TINCR: variants seen among roughly 807,000 people sequenced by gnomAD.
TINCR encodes the protein TINCR-encoded ubiquitin-like protein.
rs1230988159 is a variant in TINCR, at chr19:5,565,122, C to T, written c.261-2173G>A. Among the ~76,000 whole-genome samples, 1 of 152,166 alleles carries T rather than the reference C, an allele frequency of 6.6e-6. No individual in the cohort carries two copies. The highest frequency in any genetic ancestry group is 1.5e-5 in the Non-Finnish European group (1 of 68,022). On this transcript the variant is annotated intron_variant, in intron 1 of 1. Transcript: ENST00000646160. The surrounding 1 kb of genome is among the most constrained non-coding windows in gnomAD (Gnocchi z 4.0). ...AGTCCGCAAGGCCCTGCATGAACTG[C>T]CCTGGCCCCTCCCTGCCCTCCCTTC...
At chr19:5,566,548 C>G (rs992418653) in intron 1 of TINCR, among the ~76,000 whole-genome samples, 2 of 147,380 alleles carry the variant, frequency 1.4e-5, no homozygotes, top group Admixed American at 1.4e-4. Flanking sequence ...GATGCGCGCA[C>G]ACACAGACAG....
chr19:5,565,609 T>C lies in TINCR; in HGVS notation c.260+2056A>G, dbSNP rs746347696. Among the ~76,000 whole-genome samples, 11 of 152,166 alleles carry C rather than the reference T, an allele frequency of 7.2e-5. No individual in the cohort carries two copies. The highest frequency in any genetic ancestry group is 1.3e-4 in the Non-Finnish European group (9 of 67,990). On this transcript the variant is annotated intron_variant, in intron 1 of 1. Transcript: ENST00000646160. The surrounding 1 kb of genome is among the most constrained non-coding windows in gnomAD (Gnocchi z 4.0). ...GTACGCTGCCGAGAACACCCTCTCC[T>C]AGCCCCAAGCTCTGAACCTCCATCC...
At chr19:5,560,965 C>T (rs2052098920), downstream of TINCR, 1 of 154,076 alleles carries the variant, frequency 6.5e-6, no homozygotes, top group African/African-American at 2.4e-5. This position sits in a 1 kb window ranked among gnomAD's most constrained non-coding sequence, Gnocchi z 4.5. Flanking sequence ...GAGAAGACTT[C>T]CTGGAGGAGA....
rs1179606806 is a variant in TINCR, at chr19:5,565,882, A to C, written c.260+1783T>G. On this transcript the variant is annotated intron_variant, in intron 1 of 1. Transcript: ENST00000646160. The surrounding 1 kb of genome is among the most constrained non-coding windows in gnomAD (Gnocchi z 4.0). The stretch of plus-strand genomic sequence containing the variant: ...CCTCTCCTGTTCAATGCTTCCAAGG[A>C]GGTGGTCCCAGGCTCTGAGACGAGG... 6.6e-6 allele frequency among the ~76,000 whole-genome samples: 1 copy of C among 152,132 alleles called. No homozygotes were observed. The highest frequency in any genetic ancestry group is 1.5e-5 in the Non-Finnish European group (1 of 68,014).
downstream of TINCR, chr19:5,558,313 A>G (rs1161818619): frequency 1.3e-5 from 2 of 152,220 alleles, no homozygotes; most frequent in African/African-American, 4.8e-5. Flanking sequence ...GTGGATCCCG[A>G]GTGAGTCAGA....
rs997426356 is a variant in TINCR at position 5,565,969 on chromosome 19, G to A, written c.260+1696C>T. Among the ~76,000 whole-genome samples the A allele has an allele frequency of 5.9e-5, 9 of 152,180 alleles. No homozygotes were observed. Among genetic ancestry groups the A allele is most frequent in the Non-Finnish European group, 8.8e-5 (6 of 68,032 alleles). ...CCATTTCCCAGAGCTGCCCCAGGCCGGCAGTGAGCTGTTCCCGTGGCCCCA... is the reference window on the plus strand; with the variant it reads ...CCATTTCCCAGAGCTGCCCCAGGCCAGCAGTGAGCTGTTCCCGTGGCCCCA... On this transcript the variant is annotated intron_variant, in intron 1 of 1. Coordinates refer to ENST00000646160, the Ensembl canonical transcript of TINCR. The surrounding 1 kb of genome is among the most constrained non-coding windows in gnomAD (Gnocchi z 4.0).
rs547844299 is a variant in TINCR, at chr19:5,565,059, C to T, written c.261-2110G>A. On this transcript the variant is annotated intron_variant, in intron 1 of 1. Transcript: ENST00000646160. The surrounding 1 kb of genome is among the most constrained non-coding windows in gnomAD (Gnocchi z 4.0). ...CCTCTGCCCACAGCCCTCTATGGCT[C>T]CCACCTCCCTCGGAGTCAAGGCCCA... is the stretch of plus-strand genomic sequence containing the variant. 1.3e-5 allele frequency among the ~76,000 whole-genome samples: 2 copies of T among 152,270 alleles called. No individual in the cohort carries two copies. The highest frequency in any genetic ancestry group is 4.8e-5 in the African/African-American group (2 of 41,560).
At chr19:5,567,233 G>C (rs1007042023) in intron 1 of TINCR, among the ~76,000 whole-genome samples, 3 of 151,768 alleles carry the variant, frequency 2.0e-5, no homozygotes, top group Admixed American at 1.3e-4. Context: ...AAAGATGAAA[G>C]AGACAGAGAT....
In TINCR at chr19:5,563,802, C is replaced by T. The variant is rs112098968; in HGVS notation, c.261-853G>A. On this transcript the variant is annotated intron_variant, in intron 1 of 1. Coordinates refer to ENST00000646160, the Ensembl canonical transcript of TINCR. This position sits in a 1 kb window ranked among gnomAD's most constrained non-coding sequence, Gnocchi z 4.7. ...TGGTGGCGGGCGCCTGTAATCCCAG[C>T]TACTCAGGAGACTGAGGCAGGAGAA... Among the ~76,000 whole-genome samples, 4,589 of 152,216 alleles carry T rather than the reference C, an allele frequency of 0.03. 84 individuals are homozygous for T. The highest frequency in any genetic ancestry group is 0.043 in the Non-Finnish European group (2,915 of 68,002).
downstream of TINCR, chr19:5,559,459 C>A (rs1384435762): frequency 6.6e-6 from 1 of 152,216 alleles, no homozygotes; most frequent in East Asian, 1.9e-4. Flanking sequence ...CTCAGCCTAC[C>A]AAGTAGCTGG....
chr19:5,559,416 C>G (rs1182311192), downstream of TINCR: 2 of 151,274 alleles, frequency 1.3e-5, no homozygotes, highest in Non-Finnish European at 2.9e-5. Flanking sequence ...CTCACTGCAA[C>G]CTCTGCCTCC....
At chr19:5,562,556 A>G (rs551206981), downstream of TINCR, 1 of 152,368 alleles carries the variant, frequency 6.6e-6, no homozygotes, top group South Asian at 2.1e-4. This position sits in a 1 kb window ranked among gnomAD's most constrained non-coding sequence, Gnocchi z 4.4. Context: ...AGTCTACTGC[A>G]GGAGACAGGT....
chr19:5,560,811 T>G (rs542586608), downstream of TINCR: 1 of 152,622 alleles, frequency 6.6e-6, no homozygotes, highest in African/African-American at 2.4e-5. This position sits in a 1 kb window ranked among gnomAD's most constrained non-coding sequence, Gnocchi z 4.5. Context: ...GAGAAGGAGC[T>G]AGGATGTCCG....
intron 1 of TINCR, among the ~76,000 whole-genome samples, chr19:5,567,311 G>A (rs2052135371): frequency 6.6e-6 from 1 of 151,510 alleles, no homozygotes; most frequent in Non-Finnish European, 1.5e-5. Context: ...AAGAGTCAGA[G>A]ACAAGAGACA....
intron 1 of TINCR, among the ~76,000 whole-genome samples, chr19:5,564,870 G>A (rs1302871338): frequency 5.3e-5 from 8 of 152,222 alleles, no homozygotes; most frequent in African/African-American, 1.7e-4. Context: ...GAACCATTGC[G>A]CCCAGCCAAA....
exon 1 of TINCR, chr19:5,567,794 A>G: frequency 2.5e-6 from 1 of 394,308 alleles, no homozygotes; most frequent in Non-Finnish European, 4.5e-6. Flanking sequence ...CTGGCCCACC[A>G]GCTGGGCGCG....
At chr19:5,567,715 G>C in exon 1 of TINCR, 1 of 385,518 alleles carries the variant, frequency 2.6e-6, no homozygotes, top group Non-Finnish European at 4.6e-6. Context: ...GGCGCGCGTC[G>C]CGCACCGTCT....
chr19:5,566,542 C>T (rs188663913), intron 1 of TINCR, among the ~76,000 whole-genome samples: 3 of 147,414 alleles, frequency 2.0e-5, no homozygotes, highest in Admixed American at 6.8e-5. Context: ...GAGAGAGATG[C>T]GCGCACACAC....
At chr19:5,567,574 G>A (rs1599204952) in intron 1 of TINCR, 91 bp downstream of exon 1, 2 of 374,714 alleles carry the variant, frequency 5.3e-6, no homozygotes, top group Non-Finnish European at 9.5e-6. Flanking sequence ...GCCGGCCCGG[G>A]AGGCCGCCTT....
Sources: gnomAD v4.1 joint callset for allele counts (sites outside exome capture counted in the v4.1 genomes callset) on GRCh38, gnomAD v4.1.1 for gene constraint, Gnocchi (gnomAD v3.1) non-coding constraint, MANE v1.5 for transcripts, NCBI Gene and HGNC (gene_info 2026-07-23, HGNC 2026-07-21) for gene names.